SIPA1L1: variants seen among roughly 807,000 people sequenced by gnomAD.
SIPA1L1 encodes signal induced proliferation associated 1 like 1, also known as signal-induced proliferation-associated 1-like protein 1.
A neutral mutation model predicts 162.7 loss-of-function variants in SIPA1L1; 26 were observed. The observed-to-expected ratio is 0.16, with a 90% CI of 0.12 to 0.22. SIPA1L1 has a LOEUF of 0.22. Ranked by LOEUF, SIPA1L1 falls within the 10% of genes least tolerant of loss-of-function variation. The pLI is 1.00. For synonymous variants in SIPA1L1, 829 were observed against 837.4 expected, an observed-to-expected ratio of 0.99 and a Z score of 0.17; for missense variants, 1,874 against 2,241.0, an observed-to-expected ratio of 0.84 and a Z score of 3.31.
intron 5 of SIPA1L1, among the ~76,000 whole-genome samples, chr14:71,608,604 A>G (rs1447517635): frequency 1.3e-5 from 2 of 152,314 alleles, no homozygotes; most frequent in South Asian, 4.1e-4. Context: ...CTTAAAAAAA[A>G]GAAATCTTCT....
chr14:71,455,297 G>T (rs2046110121), intron 2 of SIPA1L1, among the ~76,000 whole-genome samples: 1 of 152,154 alleles, frequency 6.6e-6, no homozygotes, highest in Non-Finnish European at 1.5e-5. Flanking sequence ...TCAAGTGAAT[G>T]GCGAAGTGAT....
intron 3 of SIPA1L1, among the ~76,000 whole-genome samples, chr14:71,514,944 T>C (rs2051559503): frequency 6.6e-6 from 1 of 152,200 alleles, no homozygotes; most frequent in Admixed American, 6.5e-5. Flanking sequence ...TGCTTCGAGT[T>C]CTCAAAAACA....
chr14:71,542,505 C>T (rs552693929), intron 4 of SIPA1L1, among the ~76,000 whole-genome samples: 8 of 149,830 alleles, frequency 5.3e-5, no homozygotes, highest in African/African-American at 1.7e-4. Flanking sequence ...TTCTCCTCGT[C>T]GTCCTTCCTC....
chr14:71,727,270 A>T lies in SIPA1L1; in HGVS notation c.4614+2435A>T, dbSNP rs547400504. 2.6e-5 allele frequency among the ~76,000 whole-genome samples: 4 copies of T among 152,186 alleles called. No homozygotes were observed. In the South Asian group the frequency reaches 8.3e-4, roughly 32 times the overall value. On this transcript the variant is annotated intron_variant, in intron 19 of 23. Coordinates refer to ENST00000381232, the MANE Select transcript of SIPA1L1 (RefSeq NM_001386936.1). The stretch of plus-strand genomic sequence containing the variant: ...CAGTATTTAGGAAGAGTTTCTTGTG[A>T]GTGCAGGTGACACATGTCACTAATA...
Position 71,573,886 on chromosome 14 carries a change from C to T in SIPA1L1, c.-302-13685C>T. ...TATTATACTCAGAACAGTAGATGGG[C>T]CTTTTCTTGTGCTTGTGTTCTGTCA... On this transcript the variant is annotated intron_variant, in intron 4 of 23. Transcript: ENST00000381232. The T allele has an allele frequency of 5.9e-6, 2 of 337,554 alleles. 1 individual carries two copies. Among genetic ancestry groups the T allele is most frequent in the South Asian group, 4.6e-5 (2 of 43,458 alleles). 20.9% of individuals were successfully genotyped at this position (337,554 alleles called of 1,614,324 possible). A position where few individuals can be genotyped will look rare whatever the true frequency, so the allele number is the denominator to read the frequency against.
At chr14:71,464,895 G>A (rs996112642) in intron 2 of SIPA1L1, among the ~76,000 whole-genome samples, 2 of 152,170 alleles carry the variant, frequency 1.3e-5, no homozygotes, top group African/African-American at 2.4e-5. Context: ...CGGGACTTTA[G>A]TTATAGGTCT....
chr14:71,652,028 T>C (rs950126895), intron 8 of SIPA1L1, among the ~76,000 whole-genome samples: 15 of 152,198 alleles, frequency 9.9e-5, no homozygotes, highest in Non-Finnish European at 1.2e-4. Flanking sequence ...TTATGAGGCA[T>C]GTCTGACCTT....
At chr14:71,567,564 T>C (rs1328451728) in intron 4 of SIPA1L1, among the ~76,000 whole-genome samples, 2 of 151,896 alleles carry the variant, frequency 1.3e-5, no homozygotes, top group South Asian at 2.1e-4. Context: ...AGCAAACTTA[T>C]AGTTATTTCT....
At chr14:71,361,199 A>C (rs1304600438) in intron 2 of SIPA1L1, among the ~76,000 whole-genome samples, 2 of 152,154 alleles carry the variant, frequency 1.3e-5, no homozygotes, top group African/African-American at 2.4e-5. Context: ...TTGTAACTCA[A>C]TTTTAGTATA....
intron 2 of SIPA1L1, among the ~76,000 whole-genome samples, chr14:71,403,953 T>G (rs1385252260): frequency 6.6e-6 from 1 of 152,134 alleles, no homozygotes; most frequent in East Asian, 1.9e-4. Context: ...TGAAGCTTAC[T>G]TTCCCTTGAC....
At chr14:71,736,632 T>TG (rs1175594618) in intron 22 of SIPA1L1, among the ~76,000 whole-genome samples, 2 of 152,188 alleles carry the variant, frequency 1.3e-5, no homozygotes, top group Non-Finnish European at 2.9e-5. Context: ...CCTCTGGCAC[T>TG]GCTGGGGTGA....
chr14:71,399,020 G>T (rs1000576645), intron 2 of SIPA1L1, among the ~76,000 whole-genome samples: 6 of 152,188 alleles, frequency 3.9e-5, no homozygotes, highest in African/African-American at 1.2e-4. Context: ...GGCTGGTGAG[G>T]GTGGAGATAG....
At chr14:71,670,446 G>C (rs2044405383) in intron 10 of SIPA1L1, among the ~76,000 whole-genome samples, 1 of 152,108 alleles carries the variant, frequency 6.6e-6, no homozygotes, top group Non-Finnish European at 1.5e-5. Context: ...AAGGACCAAG[G>C]AATAGCTCAG....
intron 2 of SIPA1L1, among the ~76,000 whole-genome samples, chr14:71,389,693 A>G (rs980377762): frequency 5.9e-5 from 9 of 152,140 alleles, no homozygotes; most frequent in Non-Finnish European, 1.3e-4. Flanking sequence ...TTTGTGGCAT[A>G]CTTCTCAACT....
chr14:71,676,232 C>T, intron 12 of SIPA1L1, among the ~76,000 whole-genome samples: 1 of 151,582 alleles, frequency 6.6e-6, no homozygotes, highest in East Asian at 2.0e-4. Context: ...GCAGAGGTTG[C>T]AATGAGCTGA....
At chr14:71,727,693 C>T (rs917705200) in intron 19 of SIPA1L1, among the ~76,000 whole-genome samples, 1 of 152,226 alleles carries the variant, frequency 6.6e-6, no homozygotes, top group African/African-American at 2.4e-5. Flanking sequence ...GCGATTCTTT[C>T]CCAAGGGCTG....
At chr14:71,653,364 T>A (rs2042788190) in intron 8 of SIPA1L1, among the ~76,000 whole-genome samples, 1 of 152,212 alleles carries the variant, frequency 6.6e-6, no homozygotes, top group East Asian at 1.9e-4. Flanking sequence ...TTTTGGAATT[T>A]ATGCATATGC....
intron 4 of SIPA1L1, chr14:71,574,570 A>G (rs1190709955): frequency 6.6e-6 from 1 of 152,218 alleles, no homozygotes; most frequent in Non-Finnish European, 1.5e-5. Flanking sequence ...TGCACCTTAT[A>G]AACAGTCTTG....
At chr14:71,458,406 T>G (rs1413381977) in intron 2 of SIPA1L1, among the ~76,000 whole-genome samples, 1 of 152,214 alleles carries the variant, frequency 6.6e-6, no homozygotes, top group Non-Finnish European at 1.5e-5. Context: ...GTATGTAACA[T>G]TTTTGTCAAA....
Sources: gnomAD v4.1 joint callset for allele counts (sites outside exome capture counted in the v4.1 genomes callset) on GRCh38, gnomAD v4.1.1 for gene constraint, MANE v1.5 for transcripts, NCBI Gene and HGNC (gene_info 2026-07-23, HGNC 2026-07-21) for gene names.